Variants in PRPF19 observed in about 807,000 individuals in gnomAD.
PRPF19 encodes the protein pre-mRNA processing factor 19.
A neutral mutation model predicts 64.2 loss-of-function variants in PRPF19; 2 were observed. The observed-to-expected ratio is 0.03, with a 90% CI of 0.01 to 0.10. The LOEUF (loss-of-function observed/expected upper bound fraction) is 0.10. Among genes scored for constraint, PRPF19 ranks in the 10% least tolerant of loss-of-function variants. The pLI is 1.00. For missense variants in PRPF19, 314 were observed against 650.0 expected, an observed-to-expected ratio of 0.48 and a Z score of 5.62; for synonymous variants, 226 against 251.6, an observed-to-expected ratio of 0.90 and a Z score of 0.96.
intron 15 of PRPF19, 46 bp from the exon 16 acceptor site, chr11:60,891,309 T>G: frequency 7.1e-7 from 1 of 1,416,754 alleles, no homozygotes; most frequent in African/African-American, 1.4e-5. Flanking sequence ...TTTTCCTCCT[T>G]TAGTCTGAAC....
At chr11:60,906,286 C>G in intron 1 of PRPF19, 78 bp downstream of exon 1, 1 of 1,513,636 alleles carries the variant, frequency 6.6e-7, no homozygotes, top group Non-Finnish European at 8.8e-7. Flanking sequence ...CCGGCCCGGG[C>G]GCCGCAGCGG....
intron 1 of PRPF19, 117 bp from the exon 2 acceptor site, chr11:60,903,978 G>T: frequency 7.7e-7 from 1 of 1,302,202 alleles, no homozygotes; most frequent in Non-Finnish European, 1.1e-6. Flanking sequence ...CTAGCAGAAA[G>T]CAAGACATTT....
intron 11 of PRPF19, 78 bp downstream of exon 11, chr11:60,899,070 TG>T (rs1231698427): frequency 6.5e-7 from 1 of 1,528,232 alleles, no homozygotes; most frequent in African/African-American, 1.4e-5. Context: ...CCAGCTGGGG[TG>T]GGAAGATGTT....
intron 1 of PRPF19, among the ~76,000 whole-genome samples, chr11:60,906,002 A>C (rs1856041778): frequency 6.6e-6 from 1 of 152,228 alleles, no homozygotes; most frequent in South Asian, 2.1e-4. Flanking sequence ...CCTTGAGCCA[A>C]TTCATAAAGC....
At chr11:60,895,028 C>T (rs967486723) in intron 15 of PRPF19, among the ~76,000 whole-genome samples, 1 of 152,172 alleles carries the variant, frequency 6.6e-6, no homozygotes, top group Admixed American at 6.5e-5. Context: ...TAGATTTAGC[C>T]CCACCTTCTT....
At chr11:60,899,339 GAA>G (rs1208996025) in intron 10 of PRPF19, 35 bp from the exon 11 acceptor site, 5 of 1,583,634 alleles carry the variant, frequency 3.2e-6, no homozygotes, top group Non-Finnish European at 3.5e-6. Context: ...ATCAGAGTCA[GAA>G]AAGAGATACA....
chr11:60,891,387 C>G (rs1465893229), intron 15 of PRPF19, 124 bp from the exon 16 acceptor site: 1 of 734,904 alleles, frequency 1.4e-6, no homozygotes, highest in Non-Finnish European at 2.3e-6. Flanking sequence ...ACACCGCAGG[C>G]TCCTGTTTGT....
In PRPF19 at chr11:60,901,597, T is replaced by C. The variant is rs530198404; in HGVS notation, c.526-57A>G. ...TCATCTTGCAAGGAGAAAAGTACAT[T>C]AGATGCTGGTCACACCTGTGCTTTC... is the stretch of plus-strand genomic sequence containing the variant. On this transcript the variant is annotated intron_variant, in intron 6 of 15. Coordinates refer to ENST00000227524, the MANE Select transcript of PRPF19 (RefSeq NM_014502.5). The C allele has an allele frequency of 1.9e-4, 301 of 1,596,630 alleles. 3 individuals carry two copies. In the South Asian group the frequency reaches 2.9e-3, roughly 16 times the overall value.
At position 60,903,746 on chromosome 11, in the gene PRPF19, C is replaced by A. The variant is rs754681188; in HGVS notation, c.135G>T (p.Gln45His). The change falls in exon 2 of 16, where the codon CAG becomes CAT. Residue 45 changes from glutamine (Q) to histidine (H), a missense_variant. By Grantham distance (24) the Gln-to-His change is conservative (BLOSUM62 0). Around this residue, in one of 7 missense-constraint regions of PRPF19, gnomAD observed 66 missense variants for 88.4 expected, o/e 0.75. Coordinates refer to ENST00000227524, the MANE Select transcript of PRPF19 (RefSeq NM_014502.5). ...AENGTDPINN[Q>H]PLSEEQLIDI... ...CGATGAGCTGCTCCTCGGAGAGAGG[C>A]TGGTTGTTGATGGGGTCGGTACCAT... The A allele has an allele frequency of 7.5e-6, 12 of 1,600,444 alleles. No homozygotes were observed. In the South Asian group the frequency reaches 1.3e-4, roughly 18 times the overall value.
In PRPF19 at chr11:60,891,021, C is replaced by T. The variant is rs1329391419; in HGVS notation, c.*145G>A. The T allele has an allele frequency of 1.1e-5, 7 of 665,332 alleles. No homozygotes were observed. The highest frequency in any genetic ancestry group is 1.8e-5 in the Non-Finnish European group (7 of 382,802). The allele number at this position is 665,332 out of a possible 1,614,324, so 41.2% of individuals were successfully genotyped here. ...GTCCATGCCACCATGGTTCTCAGGC[C>T]ACCACTCAGACCAGAGTGAAATGAT... On this transcript the variant is annotated 3_prime_UTR_variant, in exon 16 of 16. Transcript: ENST00000227524.
At chr11:60,906,233 G>C (rs1856044140) in intron 1 of PRPF19, 131 bp downstream of exon 1, 1 of 1,380,218 alleles carries the variant, frequency 7.2e-7, no homozygotes, top group East Asian at 2.8e-5. Flanking sequence ...GGTGCTGACA[G>C]GCCGCCGCTC....
At chr11:60,891,980 A>G (rs1349240492) in intron 15 of PRPF19, among the ~76,000 whole-genome samples, 1 of 152,214 alleles carries the variant, frequency 6.6e-6, no homozygotes, top group Non-Finnish European at 1.5e-5. Context: ...CAACCTGCTA[A>G]TGAGGACGAG....
In PRPF19 at chr11:60,891,144, C is replaced by T; in HGVS notation, c.*22G>A. The T allele has an allele frequency of 8.6e-7, 1 of 1,167,414 alleles. No individual in the cohort carries two copies. The highest frequency in any genetic ancestry group is 1.2e-6 in the Non-Finnish European group (1 of 816,936). 72.3% of individuals were successfully genotyped at this position (1,167,414 alleles called of 1,614,324 possible). On this transcript the variant is annotated 3_prime_UTR_variant, in exon 16 of 16. Coordinates refer to ENST00000227524, the MANE Select transcript of PRPF19 (RefSeq NM_014502.5). ...ACCCCTCTACTGAGATGAGGCCCAG[C>T]TTCCATCAGAAGGGCCAGGGCCTAC...
At chr11:60,894,941 A>G (rs1855903267) in intron 15 of PRPF19, among the ~76,000 whole-genome samples, 1 of 152,202 alleles carries the variant, frequency 6.6e-6, no homozygotes, top group Non-Finnish European at 1.5e-5. Flanking sequence ...GGCTTAAAAA[A>G]TATTCAGTAA....
intron 15 of PRPF19, among the ~76,000 whole-genome samples, chr11:60,896,500 C>T (rs1300233706): frequency 6.6e-6 from 1 of 152,150 alleles, no homozygotes; most frequent in South Asian, 2.1e-4. Context: ...GGGGTGGTTA[C>T]CCCCATGCTG....
intron 6 of PRPF19, 121 bp from the exon 7 acceptor site, chr11:60,901,661 C>A (rs944209120): frequency 5.3e-6 from 6 of 1,134,944 alleles, no homozygotes; most frequent in Non-Finnish European, 7.7e-6. Flanking sequence ...CCAACTTCTA[C>A]GTTACAGGCT....
At chr11:60,893,918 CA>C (rs995560639) in intron 15 of PRPF19, among the ~76,000 whole-genome samples, 20 of 150,106 alleles carry the variant, frequency 1.3e-4, no homozygotes, top group African/African-American at 4.2e-4. Flanking sequence ...GACTCCATCT[CA>C]AAAAAAAATG....
intron 3 of PRPF19, among the ~76,000 whole-genome samples, chr11:60,903,100 C>T (rs769359554): frequency 6.6e-6 from 1 of 152,198 alleles, no homozygotes; most frequent in Non-Finnish European, 1.5e-5. Flanking sequence ...GGAGCCAGCT[C>T]TTTCCCATCC....
chr11:60,905,142 C>T (rs1856030039), intron 1 of PRPF19, among the ~76,000 whole-genome samples: 1 of 152,254 alleles, frequency 6.6e-6, no homozygotes, highest in African/African-American at 2.4e-5. Context: ...ATCTTCACAA[C>T]AACCCGCAAT....
Sources: allele counts gnomAD v4.1 joint callset (sites outside exome capture counted in the v4.1 genomes callset), GRCh38; gene constraint gnomAD v4.1.1; regional missense constraint gnomAD v4.1.1; transcripts MANE v1.5; gene names NCBI Gene and HGNC (gene_info 2026-07-23, HGNC 2026-07-21).